Variants in NCKAP5 observed in about 807,000 individuals in gnomAD.
NCKAP5 encodes the protein nck-associated protein 5.
In NCKAP5, 92 loss-of-function variants were observed where a neutral mutation model predicts 167.0. The ratio of observed to expected loss-of-function variants is 0.55; its 90% CI spans 0.47 to 0.66. NCKAP5 has a LOEUF of 0.66. Among genes scored for constraint, NCKAP5 ranks in the 30% least tolerant of loss-of-function variants. The pLI is 0.00. For missense variants in NCKAP5, 2,378 were observed against 2,315.0 expected (o/e 1.03, Z -0.56); for synonymous variants, 891 against 877.4 (o/e 1.02, Z -0.27).
intron 5 of NCKAP5, among the ~76,000 whole-genome samples, chr2:133,192,491 A>G (rs747817966): frequency 3.3e-5 from 5 of 152,134 alleles, no homozygotes; most frequent in Non-Finnish European, 7.4e-5. Context: ...GAAAACATTT[A>G]CATACCACAT....
chr2:132,816,493 A>G (rs1182416244), intron 11 of NCKAP5, among the ~76,000 whole-genome samples: 1 of 152,120 alleles, frequency 6.6e-6, no homozygotes, highest in East Asian at 1.9e-4. Flanking sequence ...AGGGCTGTCC[A>G]TGCCCTGAAA....
chr2:132,959,759 T>C (rs140983432), intron 8 of NCKAP5, among the ~76,000 whole-genome samples: 1 of 152,250 alleles, frequency 6.6e-6, no homozygotes, highest in East Asian at 1.9e-4. Flanking sequence ...AAAGGAGTGA[T>C]CCTTTCGTAG....
intron 5 of NCKAP5, among the ~76,000 whole-genome samples, chr2:133,151,432 G>A (rs1449163202): frequency 6.6e-6 from 1 of 152,002 alleles, no homozygotes; most frequent in Admixed American, 6.6e-5. Flanking sequence ...AATATACAAC[G>A]AATGCTTACA....
rs770878377 is a variant in NCKAP5 at position 132,728,832 on chromosome 2, G to A, written c.5564C>T (p.Ala1855Val). 6.2e-7 allele frequency: 1 copy of A among 1,613,872 alleles called. No homozygotes were observed. Residue 1855 changes from alanine (A) to valine (V), a missense_variant, in exon 18 of 20, where the codon GCT (alanine) becomes GTT (valine). This residue lies in a region of NCKAP5 where 1,325 missense variants were observed against 1,274.5 expected (regional missense o/e 1.04). Transcript: ENST00000409261. Reference protein sequence around the residue: ...QPLPDWGSEVAATGTQDKAPR... With the variant: ...QPLPDWGSEVVATGTQDKAPR... ...ACCCCTCACCTGGGTCCCGGTGGCA[G>A]CAACTTCACTCCCCCAGTCTGGAAG...
chr2:133,335,576 G>A (rs953327959), intron 3 of NCKAP5, among the ~76,000 whole-genome samples: 1 of 152,060 alleles, frequency 6.6e-6, no homozygotes, highest in African/African-American at 2.4e-5. Flanking sequence ...TATAAAAAAT[G>A]TATAGACTAA....
At chr2:133,411,891 T>G (rs891045349) in intron 3 of NCKAP5, among the ~76,000 whole-genome samples, 3 of 152,188 alleles carry the variant, frequency 2.0e-5, no homozygotes, top group African/African-American at 7.2e-5. Flanking sequence ...TACACACACT[T>G]AAGAATCACC....
At chr2:132,745,154 T>C (rs1312313941) in intron 16 of NCKAP5, among the ~76,000 whole-genome samples, 3 of 151,652 alleles carry the variant, frequency 2.0e-5, no homozygotes. Flanking sequence ...ACATCATACA[T>C]AGAGGAAAAA....
At chr2:133,447,671 G>C (rs983106226) in intron 3 of NCKAP5, among the ~76,000 whole-genome samples, 4 of 127,240 alleles carry the variant, frequency 3.1e-5, no homozygotes, top group African/African-American at 1.2e-4. Context: ...TTTTCTTTTT[G>C]TAGAGATGGG....
At chr2:132,835,010 GT>G (rs1370201521) in intron 11 of NCKAP5, among the ~76,000 whole-genome samples, 1 of 151,932 alleles carries the variant, frequency 6.6e-6, no homozygotes, top group African/African-American at 2.4e-5. Flanking sequence ...TTTGTTGAGG[GT>G]TTTTATCATA....
At chr2:133,445,969 G>A (rs758590301) in intron 3 of NCKAP5, among the ~76,000 whole-genome samples, 1 of 152,208 alleles carries the variant, frequency 6.6e-6, no homozygotes, top group Non-Finnish European at 1.5e-5. Flanking sequence ...GTGTGTGTTT[G>A]TGGCAGCGTG....
At chr2:133,221,873 G>GAATGC (rs943234095) in intron 4 of NCKAP5, among the ~76,000 whole-genome samples, 1 of 152,142 alleles carries the variant, frequency 6.6e-6, no homozygotes, top group Non-Finnish European at 1.5e-5. Context: ...TAAGTCTTTT[G>GAATGC]AATGCAATGC....
intron 9 of NCKAP5, among the ~76,000 whole-genome samples, chr2:132,869,730 C>A (rs1690651762): frequency 6.6e-6 from 1 of 152,114 alleles, no homozygotes; most frequent in Non-Finnish European, 1.5e-5. Flanking sequence ...GGGGGCTCAC[C>A]CTTCGTCTTC....
At chr2:133,444,301 A>G (rs1691043480) in intron 3 of NCKAP5, among the ~76,000 whole-genome samples, 1 of 152,170 alleles carries the variant, frequency 6.6e-6, no homozygotes, top group Non-Finnish European at 1.5e-5. Context: ...CAGCTAACAT[A>G]GGGGGCCCAG....
At chr2:133,145,118 A>C (rs991427914) in intron 5 of NCKAP5, among the ~76,000 whole-genome samples, 1 of 152,058 alleles carries the variant, frequency 6.6e-6, no homozygotes, top group Non-Finnish European at 1.5e-5. Context: ...ATAAAATTTT[A>C]ATTTTATTAT....
At chr2:132,827,295 T>A (rs972592722) in intron 11 of NCKAP5, among the ~76,000 whole-genome samples, 6 of 152,232 alleles carry the variant, frequency 3.9e-5, no homozygotes, top group Admixed American at 3.9e-4. Context: ...CCATCCCTTT[T>A]AAATGGATAA....
intron 13 of NCKAP5, among the ~76,000 whole-genome samples, chr2:132,786,476 G>A (rs80176373): frequency 9.9e-5 from 15 of 152,030 alleles, no homozygotes; most frequent in African/African-American, 3.4e-4. Flanking sequence ...CTGGGCATTC[G>A]CTGTTAGAAC....
chr2:133,294,096 TC>T (rs1323617385), intron 4 of NCKAP5, among the ~76,000 whole-genome samples: 2 of 152,192 alleles, frequency 1.3e-5, no homozygotes, highest in Non-Finnish European at 2.9e-5. Context: ...CACTGAGCTC[TC>T]TCTTTGTTTG....
chr2:132,885,883 G>A (rs1254155185), intron 8 of NCKAP5, among the ~76,000 whole-genome samples: 1 of 152,180 alleles, frequency 6.6e-6, no homozygotes, highest in African/African-American at 2.4e-5. Flanking sequence ...ACAAAAATCT[G>A]TCCTCTGCAT....
intron 13 of NCKAP5, among the ~76,000 whole-genome samples, chr2:132,789,105 C>T (rs543227979): frequency 6.6e-6 from 1 of 152,218 alleles, no homozygotes; most frequent in South Asian, 2.1e-4. Flanking sequence ...ACATCAAAAG[C>T]TACTGTAATT....
Sources: allele counts gnomAD v4.1 joint callset (sites outside exome capture counted in the v4.1 genomes callset), GRCh38; gene constraint gnomAD v4.1.1; regional missense constraint gnomAD v4.1.1; transcripts MANE v1.5; gene names NCBI Gene and HGNC (gene_info 2026-07-23, HGNC 2026-07-21).